SKIC8: variants seen among roughly 807,000 people sequenced by gnomAD.
SKIC8 encodes the protein SKI8 subunit of superkiller complex, also known as superkiller complex protein 8.
the SKIC8 span, chr15:78,286,140 TG>T: frequency 0.21 from 344,268 of 1,610,936 alleles, 38,487 homozygotes; most frequent in Admixed American, 0.34. Flanking sequence ...TTGTCTGAAA[TG>T]GGAAAGTTTC....
chr15:78,294,936 G>A, the SKIC8 span: 3 of 1,614,066 alleles, frequency 1.9e-6, no homozygotes, highest in South Asian at 3.3e-5. Context: ...TAAACAGGCA[G>A]GCTACTTACC....
the SKIC8 span, chr15:78,292,299 C>A: frequency 3.5e-6 from 1 of 282,278 alleles, no homozygotes; most frequent in African/African-American, 2.2e-5. Flanking sequence ...GCTCTGGAAA[C>A]TACAAGCTTT....
At chr15:78,290,895 C>T in the SKIC8 span, 1 of 151,938 alleles carries the variant, frequency 6.6e-6, no homozygotes, top group Non-Finnish European at 1.5e-5. Context: ...AAGCTATTCT[C>T]TTGCCTCAGC....
the SKIC8 span, chr15:78,288,279 G>C: frequency 1.2e-6 from 2 of 1,613,676 alleles, no homozygotes; most frequent in Admixed American, 3.3e-5. Flanking sequence ...ATGCCTTTAA[G>C]GTAACTTACA....
At chr15:78,293,412 T>C in the SKIC8 span, 9 of 783,988 alleles carry the variant, frequency 1.1e-5, no homozygotes, top group African/African-American at 1.8e-5. Context: ...ACAGCTTTTA[T>C]TGAAATTTTG....
chr15:78,285,061 C>T, the SKIC8 span: 3 of 569,280 alleles, frequency 5.3e-6, no homozygotes, highest in South Asian at 7.1e-5. Context: ...AGTTGCTAGG[C>T]TGACAGCACA....
chr15:78,292,545 A>G, the SKIC8 span: 5 of 1,599,776 alleles, frequency 3.1e-6, no homozygotes, highest in Non-Finnish European at 4.3e-6. Context: ...TGTAAAACAC[A>G]TTCTATCCCT....
At chr15:78,299,446 C>G in the SKIC8 span, 2 of 152,970 alleles carry the variant, frequency 1.3e-5, no homozygotes, top group South Asian at 4.1e-4. Flanking sequence ...TGGAGCATCC[C>G]TGAACGGACC....
the SKIC8 span, chr15:78,292,931 C>A: frequency 1.9e-6 from 2 of 1,051,952 alleles, no homozygotes; most frequent in Non-Finnish European, 2.7e-6. Context: ...TACAGAACAC[C>A]AAATGCTGCC....
chr15:78,295,401 C>CTTT, the SKIC8 span: 1,218 of 394,844 alleles, frequency 3.1e-3, 2 homozygotes, highest in South Asian at 6.2e-3. Flanking sequence ...CTATTCTGAT[C>CTTT]TTTTTTTTTT....
At chr15:78,299,261 C>A in the SKIC8 span, among the ~76,000 whole-genome samples, 5 of 152,296 alleles carry the variant, frequency 3.3e-5, no homozygotes, top group African/African-American at 1.2e-4. Context: ...CTCCCAGCTA[C>A]GGATAAATGA....
the SKIC8 span, among the ~76,000 whole-genome samples, chr15:78,298,279 C>T: frequency 1.3e-5 from 2 of 152,156 alleles, no homozygotes; most frequent in Non-Finnish European, 2.9e-5. Context: ...TCCAAAAACC[C>T]GGGCTCCAAA....
At chr15:78,287,797 A>G in the SKIC8 span, among the ~76,000 whole-genome samples, 1 of 152,206 alleles carries the variant, frequency 6.6e-6, no homozygotes, top group African/African-American at 2.4e-5. Context: ...ACTTGCTTCT[A>G]TACTCGCAGT....
chr15:78,293,254 C>T, the SKIC8 span: 2 of 1,614,056 alleles, frequency 1.2e-6, no homozygotes, highest in Non-Finnish European at 1.7e-6. Flanking sequence ...AGCAACTGAC[C>T]AAATGGCATC....
the SKIC8 span, among the ~76,000 whole-genome samples, chr15:78,299,269 T>C: frequency 1.3e-5 from 2 of 152,112 alleles, no homozygotes; most frequent in South Asian, 4.1e-4. Context: ...TACGGATAAA[T>C]GATCTCCTCC....
At chr15:78,296,956 A>T in the SKIC8 span, among the ~76,000 whole-genome samples, 11 of 152,246 alleles carry the variant, frequency 7.2e-5, no homozygotes, top group African/African-American at 2.7e-4. Flanking sequence ...GGTTCCTGAA[A>T]GCCTCTGGGC....
At chr15:78,295,421 A>G in the SKIC8 span, 2 of 293,308 alleles carry the variant, frequency 6.8e-6, no homozygotes, top group Non-Finnish European at 1.2e-5. Context: ...TTTTTTTTGT[A>G]CAACATCTTT....
chr15:78,291,514 C>T, the SKIC8 span, among the ~76,000 whole-genome samples: 9 of 152,084 alleles, frequency 5.9e-5, no homozygotes, highest in African/African-American at 1.9e-4. Flanking sequence ...TCCCACCCCA[C>T]GTACTCTGAA....
the SKIC8 span, chr15:78,295,679 T>G: frequency 2.5e-6 from 4 of 1,576,110 alleles, no homozygotes; most frequent in Middle Eastern, 1.7e-4. Flanking sequence ...TCTTACCTGG[T>G]TGGTCATTTC....
Sources: allele counts gnomAD v4.1 joint callset (sites outside exome capture counted in the v4.1 genomes callset), GRCh38; gene constraint gnomAD v4.1.1; transcripts MANE v1.5; gene names NCBI Gene and HGNC (gene_info 2026-07-23, HGNC 2026-07-21).